Variants in C9orf85 observed in about 807,000 individuals in gnomAD.
C9orf85 encodes the protein uncharacterized protein C9orf85.
Under a neutral mutation model 14.9 loss-of-function variants are expected in C9orf85, and 16 were observed. The ratio of observed to expected loss-of-function variants is 1.08; its 90% CI spans 0.73 to 1.63. The LOEUF (loss-of-function observed/expected upper bound fraction) is 1.63, where lower values mean the gene tolerates loss of function less well. C9orf85 is among the 40% of genes most tolerant of loss of function. The pLI, the probability that C9orf85 is intolerant of heterozygous loss-of-function variation, is 0.00. For synonymous variants in C9orf85, 45 were observed against 56.8 expected (o/e 0.79, Z 0.93); for missense variants, 172 against 186.1 (o/e 0.92, Z 0.44).
At chr9:71,965,871 A>G (rs990394956) in intron 2 of C9orf85, among the ~76,000 whole-genome samples, 11 of 152,178 alleles carry the variant, frequency 7.2e-5, no homozygotes, top group Non-Finnish European at 1.2e-4. Context: ...TGTTTGAGTG[A>G]TTGTTTCTGG....
intron 2 of C9orf85, among the ~76,000 whole-genome samples, chr9:71,959,733 C>G (rs1357982099): frequency 6.6e-6 from 1 of 152,072 alleles, no homozygotes; most frequent in Non-Finnish European, 1.5e-5. Context: ...CTGCAAGAAC[C>G]AAGAAGCTGG....
chr9:71,954,295 TA>T (rs1044413476), intron 2 of C9orf85, among the ~76,000 whole-genome samples: 7 of 151,140 alleles, frequency 4.6e-5, no homozygotes, highest in Admixed American at 4.6e-4. Flanking sequence ...GGGGGTCCTC[TA>T]GACTGTAGGG....
rs185985227 is a variant in C9orf85 at position 71,931,166 on chromosome 9, A to G, written c.103-15840A>G. 2.1e-3 allele frequency among the ~76,000 whole-genome samples: 317 copies of G among 152,354 alleles called. 2 individuals are homozygous for G. Among genetic ancestry groups the G allele is most frequent in the African/African-American group, 7.3e-3 (302 of 41,580 alleles). ...CTGAATTAAGGGACTTTAGTCATAC[A>G]GAGTGAGAATCTGGGAAAAATTACA... On this transcript the variant is annotated intron_variant, in intron 1 of 3. Coordinates refer to ENST00000334731, the MANE Select transcript of C9orf85 (RefSeq NM_182505.5).
chr9:71,948,553 A>G (rs1334651281), intron 2 of C9orf85, among the ~76,000 whole-genome samples: 1 of 151,930 alleles, frequency 6.6e-6, no homozygotes, highest in African/African-American at 2.4e-5. Flanking sequence ...ATAGGGTCTC[A>G]CTGTGTCACC....
rs757324049 is a variant in C9orf85 at position 71,971,618 on chromosome 9, C to T, written c.323C>T (p.Pro108Leu). Residue 108 changes from proline (P) to leucine (L), a missense_variant and splice_region_variant, in exon 3 of 4, where the codon CCG becomes CTG. Transcript: ENST00000334731. ...KCGKKEDIVI[P>L]LNKETEKIEH... ...GGAAAGAAAGAAGACATTGTTATTCCGTGAGTGTTTCCTTTTATGTTTGAA... is the reference window on the plus strand; with the variant it reads ...GGAAAGAAAGAAGACATTGTTATTCTGTGAGTGTTTCCTTTTATGTTTGAA... 29 of 1,580,266 alleles carry T rather than the reference C, an allele frequency of 1.8e-5. No homozygotes were observed. The South Asian group carries it at 2.2e-4, about 12-fold the overall frequency.
At chr9:71,960,918 T>G (rs189745278) in intron 2 of C9orf85, among the ~76,000 whole-genome samples, 20 of 151,890 alleles carry the variant, frequency 1.3e-4, no homozygotes, top group Admixed American at 3.3e-4. Flanking sequence ...AAATTGTTTT[T>G]TTTTTTTTTT....
downstream of C9orf85, among the ~76,000 whole-genome samples, chr9:71,973,727 C>G (rs1298915232): frequency 1.3e-5 from 2 of 151,954 alleles, no homozygotes; most frequent in Non-Finnish European, 2.9e-5. Context: ...CAGTGAGGCT[C>G]TCCCTCAGCA....
intron 2 of C9orf85, among the ~76,000 whole-genome samples, chr9:71,955,734 A>AGTAGATTCCATCT (rs1450756848): frequency 6.6e-6 from 1 of 152,210 alleles, no homozygotes; most frequent in African/African-American, 2.4e-5. Flanking sequence ...TTAATTTATC[A>AGTAGATTCCATCT]GTAGATTCCA....
At chr9:71,967,619 T>TA (rs1822728030) in intron 2 of C9orf85, among the ~76,000 whole-genome samples, 1 of 151,956 alleles carries the variant, frequency 6.6e-6, no homozygotes, top group Admixed American at 6.6e-5. Flanking sequence ...CAGTTCATTT[T>TA]AAAAAATAGA....
chr9:71,962,854 G>A (rs966413804), intron 2 of C9orf85, among the ~76,000 whole-genome samples: 1 of 152,124 alleles, frequency 6.6e-6, no homozygotes, highest in Non-Finnish European at 1.5e-5. Flanking sequence ...TCAGGAGTTC[G>A]AGACCAGCCC....
rs148734921 is a variant in C9orf85, at chr9:71,924,986, A to G, written c.102+13150A>G. On this transcript the variant is annotated intron_variant, in intron 1 of 3. Transcript: ENST00000334731. ...ATGTAACACTGTTGCTTGAATTTAAACGCACCAATACAGAACAATGAGCAG... is the reference window on the plus strand; with the variant it reads ...ATGTAACACTGTTGCTTGAATTTAAGCGCACCAATACAGAACAATGAGCAG... Among the ~76,000 whole-genome samples the G allele has an allele frequency of 3.9e-4, 59 of 152,324 alleles. No individual in the cohort carries two copies. In the East Asian group the frequency reaches 0.01, roughly 26 times the overall value.
downstream of C9orf85, among the ~76,000 whole-genome samples, chr9:71,975,441 CAA>C (rs35034545): frequency 2.8e-3 from 268 of 94,472 alleles, no homozygotes; most frequent in Non-Finnish European, 4.1e-3. Context: ...GACTCCATCT[CAA>C]AAAAAAAAAA....
At chr9:71,975,218 G>A (rs1324603603), downstream of C9orf85, among the ~76,000 whole-genome samples, 1 of 152,116 alleles carries the variant, frequency 6.6e-6, no homozygotes, top group Non-Finnish European at 1.5e-5. Flanking sequence ...GGAGGCCAAG[G>A]CAGGCAGATC....
chr9:71,920,299 C>G (rs1827762966), intron 1 of C9orf85, among the ~76,000 whole-genome samples: 1 of 152,154 alleles, frequency 6.6e-6, no homozygotes. Flanking sequence ...TAGTACTATA[C>G]TTACTGTTTT....
chr9:71,959,943 C>G (rs1254361676), intron 2 of C9orf85, among the ~76,000 whole-genome samples: 1 of 152,148 alleles, frequency 6.6e-6, no homozygotes, highest in African/African-American at 2.4e-5. Context: ...CCTCAATGTA[C>G]AAGACACTGT....
chr9:71,967,713 CTTTTTTTTT>C (rs55750667), intron 2 of C9orf85, among the ~76,000 whole-genome samples: 17 of 94,078 alleles, frequency 1.8e-4, no homozygotes, highest in South Asian at 3.5e-4. Context: ...TATGACCTTT[CTTTTTTTTT>C]TTTTTTTTTT....
downstream of C9orf85, chr9:71,983,972 A>AC (rs1384112658): frequency 6.6e-6 from 1 of 152,214 alleles, no homozygotes; most frequent in Non-Finnish European, 1.5e-5. Context: ...TCAATCAGGG[A>AC]CTTTGTGAAA....
At chr9:71,920,603 C>A (rs1025978202) in intron 1 of C9orf85, among the ~76,000 whole-genome samples, 2 of 152,118 alleles carry the variant, frequency 1.3e-5, no homozygotes, top group Non-Finnish European at 2.9e-5. Flanking sequence ...GACTCCACAC[C>A]TGCAAAAATA....
intron 1 of C9orf85, among the ~76,000 whole-genome samples, chr9:71,929,530 A>G (rs1190534777): frequency 1.3e-5 from 2 of 152,142 alleles, no homozygotes; most frequent in Non-Finnish European, 2.9e-5. Context: ...TATGTTGAAA[A>G]TCTGGGAACA....
Sources: allele counts gnomAD v4.1 joint callset (sites outside exome capture counted in the v4.1 genomes callset), GRCh38; gene constraint gnomAD v4.1.1; transcripts MANE v1.5; gene names NCBI Gene and HGNC (gene_info 2026-07-23, HGNC 2026-07-21).